PLSCR4: variants seen among roughly 807,000 people sequenced by gnomAD.
PLSCR4 encodes the protein phospholipid scramblase 4.
PLSCR4 carries 25 observed loss-of-function variants against 36.3 expected under a neutral mutation model. The observed-to-expected ratio is 0.69, with a 90% CI of 0.50 to 0.96. The LOEUF (loss-of-function observed/expected upper bound fraction) is 0.96, where lower values mean the gene tolerates loss of function less well. Ranked by LOEUF, PLSCR4 falls within the 40% of genes least tolerant of loss-of-function variation. PLSCR4 has a pLI of 0.00. For missense variants in PLSCR4, 408 were observed against 414.7 expected (o/e 0.98, Z 0.14); for synonymous variants, 122 against 132.9 (o/e 0.92, Z 0.56).
At position 146,220,833 on chromosome 3, in the gene PLSCR4, T is replaced by C. The variant is rs1252425722; in HGVS notation, c.100A>G (p.Asn34Asp). Residue 34 changes from asparagine (N) to aspartate (D), a missense_variant, in exon 3 of 9, where the codon AAT (asparagine) becomes GAT (aspartate). Coordinates refer to ENST00000354952, the MANE Select transcript of PLSCR4 (RefSeq NM_020353.3). ...DPRPDAPPEYNSHFLPGPPGT... is the reference protein window; with the variant it reads ...DPRPDAPPEYDSHFLPGPPGT... ...AACCCACCTGGTAAAAAATGAGAAT[T>C]GTATTCAGGAGGAGCATCAGGCCTT... 6.2e-7 allele frequency: 1 copy of C among 1,607,322 alleles called. No individual in the cohort carries two copies. Among genetic ancestry groups the C allele is most frequent in the Non-Finnish European group, 8.5e-7 (1 of 1,174,418 alleles).
chr3:146,215,860 C>T (rs2034870474), intron 3 of PLSCR4, among the ~76,000 whole-genome samples: 1 of 152,130 alleles, frequency 6.6e-6, no homozygotes, highest in Non-Finnish European at 1.5e-5. Context: ...ACAGGACTAG[C>T]AAATTTTCTG....
At chr3:146,234,670 AC>A (rs1293808079) in intron 1 of PLSCR4, among the ~76,000 whole-genome samples, 1 of 152,060 alleles carries the variant, frequency 6.6e-6, no homozygotes, top group Non-Finnish European at 1.5e-5. Context: ...AATAGGAGAG[AC>A]CCAGAAAATG....
chr3:146,208,840 G>T (rs1157257329), intron 3 of PLSCR4, among the ~76,000 whole-genome samples: 4 of 152,152 alleles, frequency 2.6e-5, no homozygotes, highest in African/African-American at 9.6e-5. Flanking sequence ...AGCCACTATG[G>T]AAAACAGTGT....
At chr3:146,236,515 G>A (rs922869425) in intron 1 of PLSCR4, among the ~76,000 whole-genome samples, 10 of 152,086 alleles carry the variant, frequency 6.6e-5, no homozygotes, top group African/African-American at 2.2e-4. Flanking sequence ...TAACTGAATC[G>A]TGGGGGCAGG....
At chr3:146,204,448 G>A (rs2034211928) in intron 4 of PLSCR4, among the ~76,000 whole-genome samples, 1 of 151,850 alleles carries the variant, frequency 6.6e-6, no homozygotes, top group Non-Finnish European at 1.5e-5. Context: ...AATCTGGTAA[G>A]GTAGGTATTG....
At chr3:146,239,345 A>G (rs545713541) in intron 1 of PLSCR4, among the ~76,000 whole-genome samples, 1 of 152,276 alleles carries the variant, frequency 6.6e-6, no homozygotes, top group Admixed American at 6.5e-5. Flanking sequence ...ATGTACTGCA[A>G]TCAAAACAGT....
intron 1 of PLSCR4, among the ~76,000 whole-genome samples, chr3:146,236,609 C>A (rs2035930218): frequency 6.6e-6 from 1 of 152,150 alleles, no homozygotes; most frequent in East Asian, 1.9e-4. Context: ...TGCACAAGCT[C>A]TTCTCTTGGC....
chr3:146,225,184 C>T (rs1164717732), intron 1 of PLSCR4, among the ~76,000 whole-genome samples: 3 of 147,820 alleles, frequency 2.0e-5, no homozygotes, highest in East Asian at 4.0e-4. Context: ...GGTGTATTTA[C>T]AATCCCTGAG....
intron 3 of PLSCR4, among the ~76,000 whole-genome samples, chr3:146,213,871 A>ATT (rs2034756878): frequency 6.6e-6 from 1 of 152,112 alleles, no homozygotes; most frequent in African/African-American, 2.4e-5. Context: ...CTATGGTAAA[A>ATT]GCCTCACTTT....
intron 1 of PLSCR4, among the ~76,000 whole-genome samples, chr3:146,222,657 C>G (rs889814969): frequency 6.6e-6 from 1 of 152,042 alleles, no homozygotes; most frequent in Non-Finnish European, 1.5e-5. Context: ...GTGAAGCGAA[C>G]TGAGGTAAGA....
At chr3:146,240,913 T>C (rs1279008976) in intron 1 of PLSCR4, among the ~76,000 whole-genome samples, 1 of 152,164 alleles carries the variant, frequency 6.6e-6, no homozygotes, top group African/African-American at 2.4e-5. Context: ...TTACACATAA[T>C]AGCCAACAAA....
intron 7 of PLSCR4, 104 bp downstream of exon 7, chr3:146,196,528 G>T: frequency 9.7e-7 from 1 of 1,031,108 alleles, no homozygotes; most frequent in Non-Finnish European, 1.5e-6. Flanking sequence ...CTAACACTAT[G>T]TTATTCATTC....
Position 146,197,303 on chromosome 3 carries a change from A to G in PLSCR4, c.625-510T>C, listed in dbSNP as rs190990465. On this transcript the variant is annotated intron_variant, in intron 6 of 8. Transcript: ENST00000354952. ...GATAAGTAAAAAATAAAAGGCTTACAATGAGGAAGCAATGGGCTTCTCCAA... is the reference window on the plus strand; with the variant it reads ...GATAAGTAAAAAATAAAAGGCTTACGATGAGGAAGCAATGGGCTTCTCCAA... Among the ~76,000 whole-genome samples the G allele has an allele frequency of 2.1e-3, 315 of 152,262 alleles. 1 individual carries two copies. The highest frequency in any genetic ancestry group is 7.0e-3 in the African/African-American group (292 of 41,548).
chr3:146,215,411 T>C (rs1350455662), intron 3 of PLSCR4, among the ~76,000 whole-genome samples: 1 of 152,070 alleles, frequency 6.6e-6, no homozygotes, highest in Non-Finnish European at 1.5e-5. Flanking sequence ...ATTTAACTAA[T>C]ATAAGGACAG....
intron 1 of PLSCR4, among the ~76,000 whole-genome samples, chr3:146,236,482 T>C (rs2035923725): frequency 6.6e-6 from 1 of 152,134 alleles, no homozygotes; most frequent in Admixed American, 6.5e-5. Context: ...TCCCAGGTGT[T>C]GTGGGAGGGA....
chr3:146,216,747 G>A (rs904780056), intron 3 of PLSCR4, among the ~76,000 whole-genome samples: 6 of 152,074 alleles, frequency 3.9e-5, no homozygotes, highest in African/African-American at 9.7e-5. Flanking sequence ...CACCCCAGGC[G>A]TGATTCTATG....
Position 146,201,072 on chromosome 3 carries a change from G to T in PLSCR4, c.360C>A (p.Asp120Glu). The T allele has an allele frequency of 6.5e-7, 1 of 1,548,568 alleles. No individual in the cohort carries two copies. Among genetic ancestry groups the T allele is most frequent in the Non-Finnish European group, 8.7e-7 (1 of 1,154,650 alleles). Residue 120 changes from aspartate (D) to glutamate (E), a missense_variant, in exon 5 of 9, where the codon GAC becomes GAA. Transcript: ENST00000354952. ...CAAAATGCTGAAGAACATGTATGTT[G>T]TCCAACTGTTGGGATAAAACAAAGC... ...PPGLEYLVQL[D>E]NIHVLQHFEP...
At chr3:146,219,952 T>G (rs1440539781) in intron 3 of PLSCR4, among the ~76,000 whole-genome samples, 5 of 151,568 alleles carry the variant, frequency 3.3e-5, no homozygotes, top group African/African-American at 1.2e-4. Flanking sequence ...AAAAAAAAAC[T>G]TTTGCCATTA....
chr3:146,232,308 C>T (rs1043071255), intron 1 of PLSCR4, among the ~76,000 whole-genome samples: 6 of 151,980 alleles, frequency 3.9e-5, no homozygotes, highest in Admixed American at 1.3e-4. Context: ...TGTTTAGGAT[C>T]GCTTTGGCTA....
Sources: allele counts gnomAD v4.1 joint callset (sites outside exome capture counted in the v4.1 genomes callset), GRCh38; gene constraint gnomAD v4.1.1; transcripts MANE v1.5; gene names NCBI Gene and HGNC (gene_info 2026-07-23, HGNC 2026-07-21).